Variants in U2AF2 observed in about 807,000 individuals in gnomAD.
U2AF2 encodes splicing factor U2AF 65 kDa subunit.
U2AF2 carries 6 observed loss-of-function variants against 52.6 expected under a neutral mutation model. That is an observed-to-expected ratio of 0.11 (90% CI 0.06 to 0.23). The LOEUF (loss-of-function observed/expected upper bound fraction) is 0.23, where lower values mean the gene tolerates loss of function less well. Among genes scored for constraint, U2AF2 ranks in the 10% least tolerant of loss-of-function variants. U2AF2 has a pLI of 1.00. For synonymous variants in U2AF2, 284 were observed against 258.2 expected, an observed-to-expected ratio of 1.10 and a Z score of -0.96; for missense variants, 222 against 677.1, an observed-to-expected ratio of 0.33 and a Z score of 7.46.
In U2AF2 at chr19:55,659,386, G is replaced by A. The variant is rs571371117; in HGVS notation, c.185+41G>A. 95 of 1,435,868 alleles carry A rather than the reference G, an allele frequency of 6.6e-5. 1 individual carries two copies. The South Asian group carries it at 1.2e-3, about 19-fold the overall frequency. 88.9% of individuals were successfully genotyped at this position (1,435,868 alleles called of 1,614,324 possible). On this transcript the variant is annotated intron_variant, in intron 2 of 11. Transcript: ENST00000308924. ...GATCCCCTGGGCCAGCCTGGGAGTC[G>A]GGGGGTCGGTGTTGGCCGGCCTGTG...
In U2AF2 at chr19:55,659,066, C is replaced by T. The variant is rs572981082; in HGVS notation, c.50-144C>T. The T allele has an allele frequency of 7.0e-6, 9 of 1,285,402 alleles. No homozygotes were observed. In the East Asian group the frequency reaches 2.5e-4, roughly 35 times the overall value. 79.6% of individuals were successfully genotyped at this position (1,285,402 alleles called of 1,614,324 possible). On this transcript the variant is annotated intron_variant, in intron 1 of 11. Coordinates refer to ENST00000308924, the MANE Select transcript of U2AF2 (RefSeq NM_007279.3). ...GGACTCGCTTGTGGACCCAGGAGGC[C>T]TGTTAATTCCCTTCCTCCATTGAAT...
In U2AF2 at chr19:55,663,808, C is replaced by T. The variant is rs916535266; in HGVS notation, c.742+64C>T. 5 of 1,596,412 alleles carry T rather than the reference C, an allele frequency of 3.1e-6. No individual in the cohort carries two copies. In the Admixed American group the frequency reaches 5.1e-5, roughly 16 times the overall value. ...GTCCTGTTCCCATGGCCTGTCCATC[C>T]CTTCAGCCCAGCTGGAGTGGCTTAG... On this transcript the variant is annotated intron_variant, in intron 7 of 11. Coordinates refer to ENST00000308924, the MANE Select transcript of U2AF2 (RefSeq NM_007279.3).
intron 6 of U2AF2, 27 bp downstream of exon 6, chr19:55,662,645 A>G (rs1984290314): frequency 1.3e-6 from 2 of 1,597,178 alleles, no homozygotes; most frequent in Non-Finnish European, 1.7e-6. Flanking sequence ...AGTGAGGTCC[A>G]GGAAACGTGT....
chr19:55,674,187 CCGG>C lies in U2AF2; in HGVS notation c.*121_*123del. 1.2e-6 allele frequency: 1 copy of C among 811,158 alleles called. No homozygotes were observed. Among genetic ancestry groups the C allele is most frequent in the Non-Finnish European group, 1.6e-6 (1 of 609,574 alleles). 50.2% of individuals were successfully genotyped at this position (811,158 alleles called of 1,614,324 possible). A position where few individuals can be genotyped will look rare whatever the true frequency, so the allele number is the denominator to read the frequency against. The stretch of plus-strand genomic sequence containing the variant: ...AGTGACAGCCGCAGACACACGACAG[CCGG>C]CAGCAACTGGAATGGCAGCAATTAA... On this transcript the variant is annotated 3_prime_UTR_variant, in exon 12 of 12. Transcript: ENST00000308924.
chr19:55,659,180 T>C, intron 1 of U2AF2, 30 bp from the exon 2 acceptor site: 1 of 1,518,342 alleles, frequency 6.6e-7, no homozygotes. Context: ...ACTCCGCTTA[T>C]CCCGTGCCCC....
chr19:55,667,193 T>C (rs310436), intron 7 of U2AF2, among the ~76,000 whole-genome samples: 101,047 of 151,900 alleles, frequency 0.67, 37,101 homozygotes, highest in Middle Eastern at 0.85. Context: ...AGTGAGTAGG[T>C]GGGAGAGGGT....
chr19:55,660,700 G>A (rs1220084923), intron 4 of U2AF2, 81 bp downstream of exon 4: 3 of 1,349,668 alleles, frequency 2.2e-6, no homozygotes, highest in Non-Finnish European at 3.1e-6. Flanking sequence ...CTGCGTGTGT[G>A]CTTGGAGGGG....
intron 4 of U2AF2, 85 bp downstream of exon 4, chr19:55,660,704 G>A: frequency 4.5e-6 from 6 of 1,336,302 alleles, no homozygotes; most frequent in Non-Finnish European, 4.2e-6. Flanking sequence ...GTGTGTGCTT[G>A]GAGGGGGTCA....
Position 55,673,936 on chromosome 19 carries a change from C to T in U2AF2, c.1296C>T (p.Ile432=), listed in dbSNP as rs1985106686. 1.2e-6 allele frequency: 2 copies of T among 1,611,728 alleles called. No homozygotes were observed. The highest frequency in any genetic ancestry group is 1.7e-6 in the Non-Finnish European group (2 of 1,178,762). The change falls in exon 12 of 12, where the codon ATC becomes ATT. Residue 432 remains isoleucine, a splice_region_variant and synonymous_variant. Transcript: ENST00000308924. ...DGVEVPGCGK[I]FVEFTSVFDC... ...ACCTGCCTCTCCTTTCCCCACAGAT[C>T]TTTGTGGAGTTCACCTCTGTGTTTG...
intron 1 of U2AF2, among the ~76,000 whole-genome samples, chr19:55,655,502 G>A (rs1568546557): frequency 6.6e-6 from 1 of 152,268 alleles, no homozygotes; most frequent in East Asian, 1.9e-4. Context: ...CTGAAAAGGA[G>A]ATTATGTTAG....
At chr19:55,658,047 C>CT (rs1366099093) in intron 1 of U2AF2, among the ~76,000 whole-genome samples, 2 of 152,142 alleles carry the variant, frequency 1.3e-5, no homozygotes, top group African/African-American at 2.4e-5. Context: ...AATTGTGATG[C>CT]TTTTCCAGAC....
In U2AF2 at chr19:55,674,183, A is replaced by C; in HGVS notation, c.*115A>C. The C allele has an allele frequency of 1.6e-6, 1 of 617,382 alleles. No individual in the cohort carries two copies. Among genetic ancestry groups the C allele is most frequent in the South Asian group, 4.1e-5 (1 of 24,326 alleles). 38.2% of individuals were successfully genotyped at this position (617,382 alleles called of 1,614,324 possible). On this transcript the variant is annotated 3_prime_UTR_variant, in exon 12 of 12. Transcript: ENST00000308924. Reference sequence around the variant, plus strand: ...GAGGAGTGACAGCCGCAGACACACGACAGCCGGCAGCAACTGGAATGGCAG... The same window carrying C: ...GAGGAGTGACAGCCGCAGACACACGCCAGCCGGCAGCAACTGGAATGGCAG...
chr19:55,659,825 G>A (rs1984046552), intron 2 of U2AF2, among the ~76,000 whole-genome samples: 1 of 152,078 alleles, frequency 6.6e-6, no homozygotes, highest in African/African-American at 2.4e-5. Flanking sequence ...TGGCCCAGGG[G>A]TGTCGGTTTC....
rs149491308 is a variant in U2AF2 at position 55,662,540 on chromosome 19, G to A, written c.525G>A (p.Leu175=). 16 of 1,606,966 alleles carry A rather than the reference G, an allele frequency of 1.0e-5. No homozygotes were observed. Among genetic ancestry groups the A allele is most frequent in the East Asian group, 2.2e-5 (1 of 44,540 alleles). Residue 175 remains leucine (L), a synonymous_variant, in exon 6 of 12, where the codon CTG becomes CTA. Transcript: ENST00000308924. ...ATTTCTTCAACGCCCAGATGCGCCT[G>A]GGGGGGCTGACCCAGGCCCCTGGCA... is the stretch of plus-strand genomic sequence containing the variant. ...MMDFFNAQMR[L]GGLTQAPGNP... is the part of the protein sequence containing the mutation.
intron 11 of U2AF2, among the ~76,000 whole-genome samples, chr19:55,670,448 TC>T (rs141005923): frequency 0.07 from 1,005 of 14,374 alleles, no homozygotes; most frequent in Middle Eastern, 0.2. Context: ...CACCCTGCTG[TC>T]CCGTGCACCC....
chr19:55,672,504 C>T (rs1322008820), intron 11 of U2AF2, among the ~76,000 whole-genome samples: 2 of 152,144 alleles, frequency 1.3e-5, no homozygotes, highest in African/African-American at 4.8e-5. Flanking sequence ...CCAGCCTCCA[C>T]CCACCGGATG....
chr19:55,666,093 C>T (rs1984532828), intron 7 of U2AF2, among the ~76,000 whole-genome samples: 1 of 152,194 alleles, frequency 6.6e-6, no homozygotes, highest in Non-Finnish European at 1.5e-5. Flanking sequence ...GGCTGAGGAG[C>T]TTGACTCTTC....
rs1249414099 is a variant in U2AF2 at position 55,668,474 on chromosome 19, T to G, written c.743-33T>G. 2 of 1,542,486 alleles carry G rather than the reference T, an allele frequency of 1.3e-6. No individual in the cohort carries two copies. The highest frequency in any genetic ancestry group is 1.4e-5 in the African/African-American group (1 of 72,828). On this transcript the variant is annotated intron_variant, in intron 7 of 11. Coordinates refer to ENST00000308924, the MANE Select transcript of U2AF2 (RefSeq NM_007279.3). The surrounding 1 kb of genome is among the most constrained non-coding windows in gnomAD (Gnocchi z 5.5). ...CAGGTTTTGGGAGATAACCTGGTAC[T>G]GGAATTGAAGTCCTCCTCTTCTCTA...
rs748817796 is a variant in U2AF2 at position 55,674,120 on chromosome 19, C to T, written c.*52C>T. ...GGCTGGCTGGGGGCTTCTCCCCACT[C>T]CCGCCCCCCCCTTATCCCCCTCTGA... On this transcript the variant is annotated 3_prime_UTR_variant, in exon 12 of 12. Coordinates refer to ENST00000308924, the MANE Select transcript of U2AF2 (RefSeq NM_007279.3). The T allele has an allele frequency of 2.8e-5, 43 of 1,522,544 alleles. No homozygotes were observed. In the Admixed American group the frequency reaches 6.6e-4, roughly 24 times the overall value. 94.3% of individuals were successfully genotyped at this position (1,522,544 alleles called of 1,614,324 possible).
Sources: gnomAD v4.1 joint callset for allele counts (sites outside exome capture counted in the v4.1 genomes callset) on GRCh38, gnomAD v4.1.1 for gene constraint, Gnocchi (gnomAD v3.1) non-coding constraint, MANE v1.5 for transcripts, NCBI Gene and HGNC (gene_info 2026-07-23, HGNC 2026-07-21) for gene names.